MAP2K4: variants seen among roughly 807,000 people sequenced by gnomAD.
MAP2K4 encodes dual specificity mitogen-activated protein kinase kinase 4.
MAP2K4 carries 4 observed loss-of-function variants against 48.5 expected under a neutral mutation model. The observed-to-expected ratio is 0.08, with a 90% CI of 0.04 to 0.19. MAP2K4 has a LOEUF of 0.19. MAP2K4 is among the 10% of genes least tolerant of loss of function. The probability of loss-of-function intolerance (pLI) is 1.00; values close to 1 mark genes in which losing one functional copy is unlikely to be tolerated. For missense variants in MAP2K4, 258 were observed against 493.3 expected, an observed-to-expected ratio of 0.52 and a Z score of 4.52; for synonymous variants, 166 against 173.1, an observed-to-expected ratio of 0.96 and a Z score of 0.32.
At chr17:12,137,975 A>G (rs1339136872) in intron 9 of MAP2K4, among the ~76,000 whole-genome samples, 1 of 152,110 alleles carries the variant, frequency 6.6e-6, no homozygotes, top group East Asian at 1.9e-4. Context: ...TTACCGAGCA[A>G]TATCAGGAAG....
chr17:12,132,086 A>C (rs531251048), intron 9 of MAP2K4, among the ~76,000 whole-genome samples: 3 of 152,286 alleles, frequency 2.0e-5, no homozygotes, highest in African/African-American at 4.8e-5. Flanking sequence ...GACAGTACCA[A>C]ATATTGGTGA....
chr17:12,107,143 A>G (rs1386784190), intron 4 of MAP2K4, among the ~76,000 whole-genome samples: 1 of 152,140 alleles, frequency 6.6e-6, no homozygotes, highest in Non-Finnish European at 1.5e-5. Context: ...GTATTTATTG[A>G]GTCTTTGTTC....
In MAP2K4 at chr17:12,054,942, G is replaced by A. The variant is rs757051936; in HGVS notation, c.169G>A (p.Ala57Thr). Residue 57 changes from alanine (A) to threonine (T), a missense_variant, in exon 2 of 11, where the codon GCA becomes ACA. Coordinates refer to ENST00000353533, the MANE Select transcript of MAP2K4 (RefSeq NM_003010.4). ...TGCAAATCCACCTTTCAAATCTACAGCAAGGTTTACTCTGAATCCCAATCC... is the reference window on the plus strand; with the variant it reads ...TGCAAATCCACCTTTCAAATCTACAACAAGGTTTACTCTGAATCCCAATCC... ...NFANPPFKST[A>T]RFTLNPNPTG... The A allele has an allele frequency of 1.9e-6, 3 of 1,612,430 alleles. No individual in the cohort carries two copies. The highest frequency in any genetic ancestry group is 1.7e-6 in the Non-Finnish European group (2 of 1,178,864).
chr17:12,062,036 T>C (rs942135427), intron 2 of MAP2K4, among the ~76,000 whole-genome samples: 1 of 151,930 alleles, frequency 6.6e-6, no homozygotes, highest in East Asian at 1.9e-4. Context: ...AATACATCAG[T>C]TGGTCACTCA....
chr17:12,106,137 A>T (rs918393938), intron 4 of MAP2K4, among the ~76,000 whole-genome samples: 2 of 151,918 alleles, frequency 1.3e-5, no homozygotes, highest in African/African-American at 4.8e-5. Context: ...GCTTTGCTAT[A>T]TTATTGAGGT....
At chr17:12,092,388 A>G (rs1013103014) in intron 3 of MAP2K4, among the ~76,000 whole-genome samples, 5 of 152,176 alleles carry the variant, frequency 3.3e-5, no homozygotes, top group Non-Finnish European at 7.3e-5. Context: ...TTGATGTTCA[A>G]TTTTTAGGTA....
At chr17:12,106,388 T>C (rs1274526270) in intron 4 of MAP2K4, among the ~76,000 whole-genome samples, 1 of 152,116 alleles carries the variant, frequency 6.6e-6, no homozygotes, top group Non-Finnish European at 1.5e-5. Context: ...CTACGTCAAA[T>C]ATGCTTTACA....
At chr17:12,056,622 G>C (rs1279642599) in intron 2 of MAP2K4, among the ~76,000 whole-genome samples, 3 of 152,058 alleles carry the variant, frequency 2.0e-5, no homozygotes, top group Admixed American at 2.0e-4. Context: ...CCCAGACTTT[G>C]TTGTAAGTTT....
chr17:12,021,247 G>A, intron 1 of MAP2K4: 1 of 284,960 alleles, frequency 3.5e-6, no homozygotes, highest in East Asian at 5.7e-5. Flanking sequence ...GGCCCTACCG[G>A]GCTCTCAGCA....
chr17:12,133,476 A>T (rs1030960824), intron 9 of MAP2K4, among the ~76,000 whole-genome samples: 16 of 152,174 alleles, frequency 1.1e-4, no homozygotes, highest in Admixed American at 1.0e-3. Context: ...CTCCTTCTGC[A>T]TTCCTCAGAT....
At chr17:12,103,860 A>G (rs1972022916) in intron 4 of MAP2K4, among the ~76,000 whole-genome samples, 4 of 152,162 alleles carry the variant, frequency 2.6e-5, no homozygotes, top group African/African-American at 7.2e-5. Context: ...TAGTTAATTT[A>G]TTTTAACTGT....
chr17:12,142,690 A>T lies in MAP2K4; in HGVS notation c.*1430A>T. The T allele has an allele frequency of 4.3e-6, 1 of 233,106 alleles. No homozygotes were observed. The highest frequency in any genetic ancestry group is 5.6e-5 in the Admixed American group (1 of 17,788). 14.4% of individuals were successfully genotyped at this position (233,106 alleles called of 1,614,324 possible). ...GGCATTGGAATTCTACTGGAAAAAA[A>T]TACAAAAAGCAAAACAAAACCCTCA... On this transcript the variant is annotated 3_prime_UTR_variant, in exon 11 of 11. Transcript: ENST00000353533.
intron 7 of MAP2K4, among the ~76,000 whole-genome samples, chr17:12,122,800 A>C (rs1315954759): frequency 6.6e-6 from 1 of 152,148 alleles, no homozygotes; most frequent in East Asian, 1.9e-4. Context: ...ATGGAAATGA[A>C]GATGTTTTCT....
intron 9 of MAP2K4, among the ~76,000 whole-genome samples, chr17:12,132,365 T>C (rs1053895754): frequency 7.2e-5 from 11 of 152,200 alleles, no homozygotes; most frequent in African/African-American, 2.4e-4. Context: ...AATTGTAGCA[T>C]TATGTATACA....
chr17:12,128,864 A>G (rs1205837606), intron 8 of MAP2K4, among the ~76,000 whole-genome samples: 2 of 152,206 alleles, frequency 1.3e-5, no homozygotes, highest in Non-Finnish European at 2.9e-5. Flanking sequence ...TGGAGCATGC[A>G]TTGTAGGGAC....
chr17:12,022,263 T>G (rs1969102769), intron 1 of MAP2K4, among the ~76,000 whole-genome samples: 1 of 152,212 alleles, frequency 6.6e-6, no homozygotes, highest in South Asian at 2.1e-4. Flanking sequence ...TGAAATAATT[T>G]TAATATACAT....
chr17:12,134,022 C>T (rs566090910), intron 9 of MAP2K4, among the ~76,000 whole-genome samples: 2 of 152,360 alleles, frequency 1.3e-5, no homozygotes, highest in Admixed American at 1.3e-4. Flanking sequence ...TAACTTCTAA[C>T]AACAACGCCT....
At chr17:12,113,673 G>A (rs1294027651) in intron 7 of MAP2K4, among the ~76,000 whole-genome samples, 1 of 152,114 alleles carries the variant, frequency 6.6e-6, no homozygotes, top group African/African-American at 2.4e-5. Context: ...AGTTCCCACC[G>A]TCCCTTAGTG....
At chr17:12,052,943 C>A (rs1180496166) in intron 1 of MAP2K4, among the ~76,000 whole-genome samples, 1 of 152,034 alleles carries the variant, frequency 6.6e-6, no homozygotes, top group Non-Finnish European at 1.5e-5. Flanking sequence ...CCTACCCCAG[C>A]GTCTCCAAAA....
Sources: allele counts gnomAD v4.1 joint callset (sites outside exome capture counted in the v4.1 genomes callset), GRCh38; gene constraint gnomAD v4.1.1; transcripts MANE v1.5; gene names NCBI Gene and HGNC (gene_info 2026-07-23, HGNC 2026-07-21).